ENPEP: variants seen among roughly 807,000 people sequenced by gnomAD.
ENPEP encodes AP-A.
A neutral mutation model predicts 114.5 loss-of-function variants in ENPEP; 103 were observed. That is an observed-to-expected ratio of 0.90 (90% CI 0.77 to 1.06). The LOEUF (loss-of-function observed/expected upper bound fraction) is 1.06, where lower values mean the gene tolerates loss of function less well. Among genes scored for constraint, ENPEP ranks in the 50% least tolerant of loss-of-function variants. ENPEP has a pLI of 0.00. For synonymous variants in ENPEP, 420 were observed against 422.0 expected (o/e 1.00, Z 0.06); for missense variants, 1,196 against 1,161.3 (o/e 1.03, Z -0.43).
intron 17 of ENPEP, among the ~76,000 whole-genome samples, chr4:110,551,880 A>G (rs767729618): frequency 6.6e-6 from 1 of 152,088 alleles, no homozygotes; most frequent in Non-Finnish European, 1.5e-5. Flanking sequence ...GAGACCTCTG[A>G]TTTTTGCTGC....
chr4:110,506,652 C>T lies in ENPEP; in HGVS notation c.934C>T (p.Gln312Ter). The change falls in exon 4 of 20, where the codon CAG (glutamine) becomes TAG (stop). Residue 312 changes from glutamine (Q) to a stop codon, truncating the protein, a stop_gained. Coordinates refer to ENST00000265162, the MANE Select transcript of ENPEP (RefSeq NM_001977.4). LOFTEE classifies it high-confidence loss of function. Reference protein sequence around the residue: ...NSGKPLTIYVQPEQKHTAEYA... With the variant: ...NSGKPLTIYV The stretch of plus-strand genomic sequence containing the variant: ...TGTTTAATAGCTTACAATTTATGTC[C>T]AGCCAGAGCAAAAGCACACAGCCGA... 1 of 1,602,730 alleles carries T rather than the reference C, an allele frequency of 6.2e-7. No homozygotes were observed. The highest frequency in any genetic ancestry group is 8.5e-7 in the Non-Finnish European group (1 of 1,175,736).
chr4:110,505,242 G>T (rs978741014), intron 3 of ENPEP, among the ~76,000 whole-genome samples: 2 of 152,100 alleles, frequency 1.3e-5, no homozygotes, highest in African/African-American at 4.8e-5. Flanking sequence ...AGGACAGGAG[G>T]GTAATCCAAA....
In ENPEP at chr4:110,522,222, G is replaced by A. The variant is rs556728153; in HGVS notation, c.1727+1856G>A. On this transcript the variant is annotated intron_variant, in intron 10 of 19. Coordinates refer to ENST00000265162, the MANE Select transcript of ENPEP (RefSeq NM_001977.4). ...TTTTGAGACAAACTCTCACTCTGTC[G>A]CCAGGCTGGAGTGCAATGGCAGGAT... 5.3e-5 allele frequency among the ~76,000 whole-genome samples: 8 copies of A among 150,462 alleles called. No homozygotes were observed. The East Asian group carries it at 5.9e-4, about 11-fold the overall frequency.
At chr4:110,522,471 G>A (rs776358553) in intron 10 of ENPEP, among the ~76,000 whole-genome samples, 14 of 152,126 alleles carry the variant, frequency 9.2e-5, no homozygotes, top group African/African-American at 2.9e-4. Context: ...GTGAGCCACC[G>A]TGCTCAGCCA....
Position 110,526,423 on chromosome 4 carries a change from T to C in ENPEP, c.1728-4775T>C, listed in dbSNP as rs34725368. Among the ~76,000 whole-genome samples, 1,131 of 152,306 alleles carry C rather than the reference T, an allele frequency of 7.4e-3. 5 individuals carry two copies. Among genetic ancestry groups the C allele is most frequent in the Non-Finnish European group, 0.014 (928 of 68,028 alleles). ...AGCACTTCAGATGCATTTTATTTTA[T>C]AGTAAATGAGGAATTTGTGGTAAAA... On this transcript the variant is annotated intron_variant, in intron 10 of 19. Coordinates refer to ENST00000265162, the MANE Select transcript of ENPEP (RefSeq NM_001977.4).
At chr4:110,519,053 C>T (rs1434004838) in intron 8 of ENPEP, 1 of 455,668 alleles carries the variant, frequency 2.2e-6, no homozygotes, top group Non-Finnish European at 4.4e-6. Context: ...AAAGTGATTG[C>T]TGCTTCTCCC....
At chr4:110,497,554 A>T (rs1472645893) in intron 3 of ENPEP, among the ~76,000 whole-genome samples, 2 of 152,142 alleles carry the variant, frequency 1.3e-5, no homozygotes, top group Non-Finnish European at 2.9e-5. Flanking sequence ...AGCATCAGAC[A>T]ACTTAAATTT....
In ENPEP at chr4:110,477,177, T is replaced by C. The variant is rs1724146259; in HGVS notation, c.644+119T>C. ...TGTTGGTCTGATATTGATCGGCTCT[T>C]GGTTTCAATTCTGGCTGTCCATCTG... On this transcript the variant is annotated intron_variant, in intron 1 of 19. Coordinates refer to ENST00000265162, the MANE Select transcript of ENPEP (RefSeq NM_001977.4). 3 of 1,354,566 alleles carry C rather than the reference T, an allele frequency of 2.2e-6. No homozygotes were observed. In the East Asian group the frequency reaches 7.5e-5, roughly 34 times the overall value. The allele number at this position is 1,354,566 out of a possible 1,614,324, so 83.9% of individuals were successfully genotyped here. A position where few individuals can be genotyped will look rare whatever the true frequency, so the allele number is the denominator to read the frequency against.
In ENPEP at chr4:110,547,929, G is replaced by A. The variant is rs138031941; in HGVS notation, c.2001-247G>A. Among the ~76,000 whole-genome samples, 107 of 152,042 alleles carry A rather than the reference G, an allele frequency of 7.0e-4. 1 individual carries two copies. The highest frequency in any genetic ancestry group is 2.4e-3 in the African/African-American group (100 of 41,528). On this transcript the variant is annotated intron_variant, in intron 13 of 19. Coordinates refer to ENST00000265162, the MANE Select transcript of ENPEP (RefSeq NM_001977.4). ...ATTTTGCTGTTGTGCTTTTTCAAAT[G>A]TACATCTTAATGCCTTTCTTCCTCC... is the stretch of plus-strand genomic sequence containing the variant.
In ENPEP at chr4:110,561,405, GA is replaced by G. The variant is rs865836626; in HGVS notation, c.2722del (p.Met908TrpfsTer25). On this transcript the variant is annotated frameshift_variant and splice_region_variant, in exon 20 of 20. Transcript: ENST00000265162. LOFTEE classifies it low-confidence loss of function (END_TRUNC). ...PFNTELQLWQ[M>X]ESFFAKYPQA... ...CCTAATTACTCCCCTCTCTTTTCTA[GA>G]TGGAGAGCTTTTTTGCAAAATATCC... 3.7e-6 allele frequency: 6 copies of G among 1,613,474 alleles called. No individual in the cohort carries two copies. The highest frequency in any genetic ancestry group is 5.1e-6 in the Non-Finnish European group (6 of 1,179,824).
intron 2 of ENPEP, among the ~76,000 whole-genome samples, chr4:110,490,543 A>G (rs1476346444): frequency 2.6e-5 from 4 of 152,198 alleles, no homozygotes; most frequent in Admixed American, 1.3e-4. Flanking sequence ...CTCTCTGTCC[A>G]TGGAGACCGA....
rs1295198411 is a variant in ENPEP at position 110,491,156 on chromosome 4, G to A, written c.910G>A (p.Gly304Arg). The part of the protein sequence containing the change: ...FDSVKRISNS[G>R]KPLTIYVQPE... ...CTCTGTAAAGAGAATATCAAATAGT[G>A]GAAAACCTGTGAGTCTCATTATATT... The change falls in exon 3 of 20, where the codon GGA becomes AGA. Residue 304 changes from glycine to arginine, a missense_variant. Gly to Arg is a moderately radical substitution (Grantham distance 125). Coordinates refer to ENST00000265162, the MANE Select transcript of ENPEP (RefSeq NM_001977.4). 1.9e-6 allele frequency: 3 copies of A among 1,602,360 alleles called. No individual in the cohort carries two copies. The East Asian group carries it at 6.7e-5, about 36-fold the overall frequency.
At chr4:110,508,604 G>A (rs1163851082) in intron 4 of ENPEP, among the ~76,000 whole-genome samples, 1 of 152,200 alleles carries the variant, frequency 6.6e-6, no homozygotes, top group Non-Finnish European at 1.5e-5. Context: ...GAGGTCAGGA[G>A]ATGGAGACCA....
Position 110,509,758 on chromosome 4 carries a change from C to T in ENPEP, c.1145C>T (p.Ser382Leu), listed in dbSNP as rs1263223307. The change falls in exon 5 of 20, where the codon TCA (serine) becomes TTA (leucine). Residue 382 changes from serine (S) to leucine (L), a missense_variant. Physicochemically the swap from Ser to Leu is moderately radical, Grantham distance 145. Coordinates refer to ENST00000265162, the MANE Select transcript of ENPEP (RefSeq NM_001977.4). Reference protein sequence around the residue: ...LLYDPKESASSNQQRVATVVA... With the variant: ...LLYDPKESASLNQQRVATVVA... ...TATGACCCTAAGGAATCAGCCTCAT[C>T]AAACCAACAGAGGGTGGCCACTGTG... The T allele has an allele frequency of 2.5e-6, 4 of 1,614,208 alleles. No homozygotes were observed. Among genetic ancestry groups the T allele is most frequent in the Non-Finnish European group, 3.4e-6 (4 of 1,180,020 alleles).
intron 10 of ENPEP, among the ~76,000 whole-genome samples, chr4:110,528,997 A>G (rs1420171058): frequency 6.6e-6 from 1 of 152,206 alleles, no homozygotes; most frequent in African/African-American, 2.4e-5. Flanking sequence ...TGTGATTCTA[A>G]AACTATAAAA....
At position 110,563,017 on chromosome 4, in the gene ENPEP, A is replaced by G. The variant is rs1359655556; in HGVS notation, c.*1459A>G. Reference sequence around the variant, plus strand: ...TCCGTACAGCCAAACTAGTAAATTCAAATGTAGACTGGGTTGTGGGTGGCA... The same window carrying G: ...TCCGTACAGCCAAACTAGTAAATTCGAATGTAGACTGGGTTGTGGGTGGCA... On this transcript the variant is annotated 3_prime_UTR_variant, in exon 20 of 20. Coordinates refer to ENST00000265162, the MANE Select transcript of ENPEP (RefSeq NM_001977.4). 6.6e-6 allele frequency: 1 copy of G among 152,186 alleles called. No homozygotes were observed. Among genetic ancestry groups the G allele is most frequent in the Non-Finnish European group, 1.5e-5 (1 of 68,016 alleles). 9.4% of individuals were successfully genotyped at this position (152,186 alleles called of 1,614,324 possible). A position where few individuals can be genotyped will look rare whatever the true frequency, so the allele number is the denominator to read the frequency against.
intron 10 of ENPEP, among the ~76,000 whole-genome samples, chr4:110,522,535 TA>T (rs1012097669): frequency 3.3e-5 from 5 of 152,032 alleles, no homozygotes; most frequent in Admixed American, 2.6e-4. Flanking sequence ...TAATATCAAA[TA>T]CATAATAGAG....
At chr4:110,528,133 A>G (rs966410148) in intron 10 of ENPEP, among the ~76,000 whole-genome samples, 1 of 151,926 alleles carries the variant, frequency 6.6e-6, no homozygotes, top group Admixed American at 6.6e-5. Context: ...TACTATTTTC[A>G]TTTTATTTAT....
chr4:110,549,829 A>G lies in ENPEP; in HGVS notation c.2444A>G (p.Glu815Gly). 1 of 1,613,302 alleles carries G rather than the reference A, an allele frequency of 6.2e-7. No individual in the cohort carries two copies. The highest frequency in any genetic ancestry group is 8.5e-7 in the Non-Finnish European group (1 of 1,179,512). ...EQYQKTSLAQEKEKLLYGLAS... is the reference protein window; with the variant it reads ...EQYQKTSLAQGKEKLLYGLAS... Reference sequence around the variant, plus strand: ...TACCAGAAAACTTCATTAGCTCAAGAAAAAGAAAAACTGCTGTATGGATTA... The same window carrying G: ...TACCAGAAAACTTCATTAGCTCAAGGAAAAGAAAAACTGCTGTATGGATTA... Residue 815 changes from glutamate (E) to glycine (G), a missense_variant, in exon 17 of 20, where the codon GAA becomes GGA. Coordinates refer to ENST00000265162, the MANE Select transcript of ENPEP (RefSeq NM_001977.4).
Sources: allele counts gnomAD v4.1 joint callset (sites outside exome capture counted in the v4.1 genomes callset), GRCh38; gene constraint gnomAD v4.1.1; transcripts MANE v1.5; gene names NCBI Gene and HGNC (gene_info 2026-07-23, HGNC 2026-07-21).